MARCHF10: variants seen among roughly 807,000 people sequenced by gnomAD.
MARCHF10 encodes membrane associated ring-CH-type finger 10.
MARCHF10 carries 64 observed loss-of-function variants against 76.2 expected under a neutral mutation model. The observed-to-expected ratio is 0.84, with a 90% CI of 0.69 to 1.03. The LOEUF is 1.03. Ranked by LOEUF, MARCHF10 falls within the 50% of genes least tolerant of loss-of-function variation. The pLI, the probability that MARCHF10 is intolerant of heterozygous loss-of-function variation, is 0.00. For missense variants in MARCHF10, 875 were observed against 958.0 expected, an observed-to-expected ratio of 0.91 and a Z score of 1.14; for synonymous variants, 340 against 357.5, an observed-to-expected ratio of 0.95 and a Z score of 0.55.
At chr17:62,772,308 G>A (rs1268177505) in intron 3 of MARCHF10, among the ~76,000 whole-genome samples, 6 of 152,098 alleles carry the variant, frequency 3.9e-5, no homozygotes, top group Non-Finnish European at 1.5e-5. Flanking sequence ...TTTGTCTGTC[G>A]CCATGTAAGA....
chr17:62,751,374 T>A (rs981787112), intron 4 of MARCHF10, among the ~76,000 whole-genome samples: 7 of 152,138 alleles, frequency 4.6e-5, no homozygotes, highest in African/African-American at 1.7e-4. Flanking sequence ...CGATGTCACC[T>A]GGGACTTCTT....
At chr17:62,770,437 A>C (rs920099063) in intron 3 of MARCHF10, among the ~76,000 whole-genome samples, 6 of 152,132 alleles carry the variant, frequency 3.9e-5, no homozygotes, top group African/African-American at 1.2e-4. Flanking sequence ...AATTAGAGAA[A>C]TCTCTAAACT....
intron 3 of MARCHF10, among the ~76,000 whole-genome samples, chr17:62,781,393 A>T (rs2092656140): frequency 6.6e-6 from 1 of 152,212 alleles, no homozygotes; most frequent in Non-Finnish European, 1.5e-5. Flanking sequence ...CATAATAAGT[A>T]TCTCCTTGAT....
At chr17:62,806,566 A>T (rs1183668491) in intron 1 of MARCHF10, 1 of 152,210 alleles carries the variant, frequency 6.6e-6, no homozygotes, top group Non-Finnish European at 1.5e-5. Context: ...AGGGAGAGAG[A>T]AAGGAGGAGG....
intron 1 of MARCHF10, among the ~76,000 whole-genome samples, chr17:62,802,999 C>T (rs963841350): frequency 1.3e-5 from 2 of 152,188 alleles, no homozygotes; most frequent in Admixed American, 6.5e-5. Context: ...CTCCGCCATC[C>T]AGGCTGGAGT....
chr17:62,788,835 G>A (rs573859820), intron 2 of MARCHF10, among the ~76,000 whole-genome samples: 6 of 151,042 alleles, frequency 4.0e-5, no homozygotes, highest in East Asian at 2.0e-4. Context: ...AGGCCGAGGC[G>A]GGTGGATCAT....
intron 1 of MARCHF10, chr17:62,806,696 A>C (rs1362919131): frequency 6.6e-6 from 1 of 152,242 alleles, no homozygotes; most frequent in African/African-American, 2.4e-5. Flanking sequence ...GGAATATTCT[A>C]AGAACTTTGT....
intron 3 of MARCHF10, among the ~76,000 whole-genome samples, chr17:62,760,519 A>G (rs1453238328): frequency 6.6e-6 from 1 of 152,212 alleles, no homozygotes; most frequent in Non-Finnish European, 1.5e-5. Flanking sequence ...AATCTTTTAA[A>G]AAGTCCCCTC....
At chr17:62,753,398 C>T (rs999330870) in intron 4 of MARCHF10, among the ~76,000 whole-genome samples, 7 of 152,316 alleles carry the variant, frequency 4.6e-5, no homozygotes, top group South Asian at 4.1e-4. Context: ...TGAGCCACCA[C>T]GCCTGGCCCT....
rs140861590 is a variant in MARCHF10 at position 62,723,990 on chromosome 17, C to T, written c.2104+948G>A. Among the ~76,000 whole-genome samples, 352 of 152,180 alleles carry T rather than the reference C, an allele frequency of 2.3e-3. 3 individuals carry two copies. The highest frequency in any genetic ancestry group is 8.2e-3 in the African/African-American group (339 of 41,506). Reference sequence around the variant, plus strand: ...TGGTGTGCTGTCCTTGGTGAGGGGGCGTGGCAACACCTCATGGGGACAGGG... The same window carrying T: ...TGGTGTGCTGTCCTTGGTGAGGGGGTGTGGCAACACCTCATGGGGACAGGG... On this transcript the variant is annotated intron_variant, in intron 7 of 10. Transcript: ENST00000311269.
In MARCHF10 at chr17:62,744,422, T is replaced by C; in HGVS notation, c.489A>G (p.Arg163=). The change falls in exon 5 of 11, where the codon AGA becomes AGG. Residue 163 remains arginine, a synonymous_variant. Transcript: ENST00000311269. The part of the protein sequence containing the change: ...HSPRASGDRS[R]QKQQWPAKVP... ...CCTTTGCAGGCCACTGCTGTTTCTG[T>C]CTGCTTCTGTCCCCAGATGCTCTCG... is the stretch of plus-strand genomic sequence containing the variant. 6 of 1,614,194 alleles carry C rather than the reference T, an allele frequency of 3.7e-6. No homozygotes were observed. The highest frequency in any genetic ancestry group is 5.1e-6 in the Non-Finnish European group (6 of 1,180,038).
chr17:62,766,154 C>T (rs1568180401), intron 3 of MARCHF10, among the ~76,000 whole-genome samples: 2 of 151,908 alleles, frequency 1.3e-5, no homozygotes, highest in Admixed American at 6.6e-5. Context: ...TGTGATTGTG[C>T]CACTGCACTC....
chr17:62,794,629 AT>A (rs953127914), intron 2 of MARCHF10, among the ~76,000 whole-genome samples: 3 of 152,054 alleles, frequency 2.0e-5, no homozygotes, highest in Non-Finnish European at 2.9e-5. Context: ...TGTTTCTTTC[AT>A]TATCAATCTG....
chr17:62,742,031 T>C (rs947413518), intron 5 of MARCHF10, among the ~76,000 whole-genome samples: 9 of 149,494 alleles, frequency 6.0e-5, no homozygotes, highest in Middle Eastern at 3.4e-3. Flanking sequence ...TTTCTTTTTT[T>C]TTTTTGAGAT....
At chr17:62,781,906 A>G (rs965457578) in intron 3 of MARCHF10, among the ~76,000 whole-genome samples, 1 of 152,164 alleles carries the variant, frequency 6.6e-6, no homozygotes, top group African/African-American at 2.4e-5. Flanking sequence ...GGATTAAGCA[A>G]TTCACTTTCA....
chr17:62,796,717 G>A (rs1427301522), intron 2 of MARCHF10, among the ~76,000 whole-genome samples: 3 of 152,192 alleles, frequency 2.0e-5, no homozygotes, highest in Non-Finnish European at 2.9e-5. Flanking sequence ...AGCCGGGTGC[G>A]GTGGCTCACG....
At chr17:62,776,800 T>G (rs1451868279) in intron 3 of MARCHF10, among the ~76,000 whole-genome samples, 1 of 152,190 alleles carries the variant, frequency 6.6e-6, no homozygotes, top group Non-Finnish European at 1.5e-5. Flanking sequence ...CTCCATCTAC[T>G]CAGAGCTACA....
chr17:62,756,189 C>T (rs568926840), intron 4 of MARCHF10, among the ~76,000 whole-genome samples: 29 of 152,056 alleles, frequency 1.9e-4, no homozygotes, highest in Admixed American at 1.5e-3. Context: ...CGGAGGTTGC[C>T]GTAAGCCGAG....
At chr17:62,774,277 T>C (rs569598841) in intron 3 of MARCHF10, among the ~76,000 whole-genome samples, 1 of 152,168 alleles carries the variant, frequency 6.6e-6, no homozygotes, top group African/African-American at 2.4e-5. Context: ...GAACTCGGGA[T>C]CTGAGATGCC....
Sources: allele counts gnomAD v4.1 joint callset (sites outside exome capture counted in the v4.1 genomes callset), GRCh38; gene constraint gnomAD v4.1.1; transcripts MANE v1.5; gene names NCBI Gene and HGNC (gene_info 2026-07-23, HGNC 2026-07-21).